The following GABRG3 variants were observed in gnomAD, a reference collection of about 807,000 sequenced individuals.
The protein encoded by GABRG3 is gamma-aminobutyric acid receptor subunit gamma-3.
In GABRG3, 25 loss-of-function variants were observed where a neutral mutation model predicts 48.8. That is an observed-to-expected ratio of 0.51 (90% CI 0.37 to 0.72). GABRG3 has a LOEUF of 0.72. Among genes scored for constraint, GABRG3 ranks in the 30% least tolerant of loss-of-function variants. GABRG3 has a pLI of 0.00. For missense variants in GABRG3, 394 were observed against 577.9 expected (o/e 0.68, Z 3.26); for synonymous variants, 227 against 217.6 (o/e 1.04, Z -0.38).
At chr15:27,204,304 A>G (rs1888785880) in intron 3 of GABRG3, among the ~76,000 whole-genome samples, 1 of 152,082 alleles carries the variant, frequency 6.6e-6, no homozygotes, top group Non-Finnish European at 1.5e-5. Context: ...TTGAATAGAG[A>G]GTGCTTTCCC....
At chr15:27,175,935 C>G (rs1055161576) in intron 3 of GABRG3, among the ~76,000 whole-genome samples, 5 of 150,270 alleles carry the variant, frequency 3.3e-5, no homozygotes, top group Non-Finnish European at 7.4e-5. Context: ...AATTATGCAC[C>G]AGAAAAGGCT....
At chr15:27,224,335 G>C (rs553674985) in intron 3 of GABRG3, among the ~76,000 whole-genome samples, 73 of 152,288 alleles carry the variant, frequency 4.8e-4, no homozygotes, top group African/African-American at 1.4e-3. Flanking sequence ...TTCTTAGAAG[G>C]CCTGAAATGC....
At chr15:27,389,009 C>A (rs569892196) in intron 5 of GABRG3, among the ~76,000 whole-genome samples, 1 of 152,294 alleles carries the variant, frequency 6.6e-6, no homozygotes, top group East Asian at 1.9e-4. Flanking sequence ...GATTGTATGA[C>A]TTGTAACTGA....
rs1891664676 is a variant in GABRG3, at chr15:27,541,743, C to T, written c.*8862C>T. 1 of 152,378 alleles carries T rather than the reference C, an allele frequency of 6.6e-6. No individual in the cohort carries two copies. Among genetic ancestry groups the T allele is most frequent in the Non-Finnish European group, 1.5e-5 (1 of 68,094 alleles). The allele number at this position is 152,378 out of a possible 1,614,324, so 9.4% of individuals were successfully genotyped here. A position where few individuals can be genotyped will look rare whatever the true frequency, so the allele number is the denominator to read the frequency against. ...CGGGCGGTCCCGAGGTCCCGCCGCC[C>T]TCCTCCCCTGCGCAGAGGACGTGGC... On this transcript the variant is annotated 3_prime_UTR_variant, in exon 10 of 10. Coordinates refer to ENST00000615808, the MANE Select transcript of GABRG3 (RefSeq NM_033223.5).
intron 3 of GABRG3, among the ~76,000 whole-genome samples, chr15:27,217,567 G>A (rs1379495706): frequency 6.6e-6 from 1 of 152,150 alleles, no homozygotes; most frequent in Non-Finnish European, 1.5e-5. Flanking sequence ...AGCCCAGCAG[G>A]GAGCCTCCAG....
At chr15:26,972,335 C>T (rs1442156698) in intron 1 of GABRG3, among the ~76,000 whole-genome samples, 1 of 152,190 alleles carries the variant, frequency 6.6e-6, no homozygotes, top group Non-Finnish European at 1.5e-5. Flanking sequence ...TAGAATCACT[C>T]TAGAAGAGAT....
At chr15:27,477,656 T>C (rs1033031807) in intron 5 of GABRG3, among the ~76,000 whole-genome samples, 1 of 152,284 alleles carries the variant, frequency 6.6e-6, no homozygotes, top group African/African-American at 2.4e-5. Flanking sequence ...AGGCTGTGCA[T>C]GTGTGGGGCA....
chr15:27,086,267 C>A (rs1897075219), intron 3 of GABRG3, among the ~76,000 whole-genome samples: 1 of 152,106 alleles, frequency 6.6e-6, no homozygotes, highest in Non-Finnish European at 1.5e-5. Context: ...GAAGAAAGAA[C>A]CCCCCTTCAT....
chr15:27,463,781 G>A (rs894104220), intron 5 of GABRG3, among the ~76,000 whole-genome samples: 1 of 152,176 alleles, frequency 6.6e-6, no homozygotes, highest in Admixed American at 6.5e-5. Context: ...TGGCAATTTA[G>A]AAGCACTGTG....
chr15:27,186,000 ATGT>A (rs1888080959), intron 3 of GABRG3, among the ~76,000 whole-genome samples: 2 of 148,810 alleles, frequency 1.3e-5, no homozygotes, highest in South Asian at 2.1e-4. Flanking sequence ...TGTCTTTTAA[ATGT>A]TGTATTTAAA....
At chr15:27,506,116 T>C (rs1188671827) in intron 6 of GABRG3, among the ~76,000 whole-genome samples, 1 of 152,162 alleles carries the variant, frequency 6.6e-6, no homozygotes, top group Non-Finnish European at 1.5e-5. Flanking sequence ...GTAATTTGTG[T>C]CTTATCTCTT....
Position 27,327,024 on chromosome 15 carries a change from T to C in GABRG3, c.486T>C (p.Thr162=), listed in dbSNP as rs774605997. The change falls in exon 4 of 10, where the codon ACT becomes ACC. Residue 162 remains threonine, a synonymous_variant. Coordinates refer to ENST00000615808, the MANE Select transcript of GABRG3 (RefSeq NM_033223.5). ...RIWNDGKILY[T]LRLTINAECQ... is the part of the protein sequence containing the mutation. ...GGAATGACGGGAAAATCCTTTACACTTTGAGGTAAGATGCTGCATCGATCT... is the reference window on the plus strand; with the variant it reads ...GGAATGACGGGAAAATCCTTTACACCTTGAGGTAAGATGCTGCATCGATCT... The C allele has an allele frequency of 1.2e-6, 2 of 1,612,702 alleles. No individual in the cohort carries two copies. The highest frequency in any genetic ancestry group is 1.7e-5 in the Admixed American group (1 of 59,852).
At chr15:27,033,321 A>G (rs921461137) in intron 3 of GABRG3, among the ~76,000 whole-genome samples, 1 of 152,164 alleles carries the variant, frequency 6.6e-6, no homozygotes, top group African/African-American at 2.4e-5. Context: ...ATTTTTGCTT[A>G]GCTTTCTCGC....
At chr15:27,194,385 C>T (rs988575797) in intron 3 of GABRG3, among the ~76,000 whole-genome samples, 1 of 152,116 alleles carries the variant, frequency 6.6e-6, no homozygotes, top group African/African-American at 2.4e-5. Context: ...AGTTCCAAAC[C>T]TTCCTTTATT....
intron 3 of GABRG3, among the ~76,000 whole-genome samples, chr15:27,297,419 T>C (rs899503007): frequency 6.6e-6 from 1 of 152,212 alleles, no homozygotes. Context: ...GCAAGCACCA[T>C]TTGTGGTAAA....
intron 3 of GABRG3, among the ~76,000 whole-genome samples, chr15:27,121,891 T>C (rs1002653966): frequency 2.0e-5 from 3 of 152,160 alleles, no homozygotes; most frequent in African/African-American, 7.2e-5. Flanking sequence ...TTCTTACTTA[T>C]CTGTGGGATC....
chr15:27,297,591 A>C (rs924190365), intron 3 of GABRG3, among the ~76,000 whole-genome samples: 4 of 152,010 alleles, frequency 2.6e-5, no homozygotes, highest in African/African-American at 9.7e-5. Flanking sequence ...AACAGGCTAT[A>C]CCACATAACC....
rs768194838 is a variant in GABRG3 at position 27,532,626 on chromosome 15, A to G, written c.1149A>G (p.Pro383=). ...ACTATTCCCTCCTGGACATGAGGCC[A>G]CCACCAACTGCGATGATCACTTTAA... ...PSNYSLLDMR[P]PPTAMITLNN... is the part of the protein sequence containing the mutation. Residue 383 remains proline (P), a synonymous_variant, in exon 10 of 10, where the codon CCA becomes CCG. Coordinates refer to ENST00000615808, the MANE Select transcript of GABRG3 (RefSeq NM_033223.5). 5 of 1,613,828 alleles carry G rather than the reference A, an allele frequency of 3.1e-6. No homozygotes were observed. The African/African-American group carries it at 5.3e-5, about 17-fold the overall frequency.
At chr15:27,489,058 G>A (rs1890285700) in intron 6 of GABRG3, among the ~76,000 whole-genome samples, 1 of 150,910 alleles carries the variant, frequency 6.6e-6, no homozygotes, top group Non-Finnish European at 1.5e-5. Context: ...GCTCTGGTGT[G>A]TGATGTTCCC....
Sources: gnomAD v4.1 joint callset for allele counts (sites outside exome capture counted in the v4.1 genomes callset) on GRCh38, gnomAD v4.1.1 for gene constraint, MANE v1.5 for transcripts, NCBI Gene and HGNC (gene_info 2026-07-23, HGNC 2026-07-21) for gene names.